The following LYST variants were observed in gnomAD, a reference collection of about 807,000 sequenced individuals.
The protein encoded by LYST is lysosomal-trafficking regulator.
In LYST, 192 loss-of-function variants were observed where a neutral mutation model predicts 413.6. The observed-to-expected ratio is 0.46, with a 90% CI of 0.41 to 0.52. The LOEUF (loss-of-function observed/expected upper bound fraction) is 0.52, where lower values mean the gene tolerates loss of function less well. Among genes scored for constraint, LYST ranks in the 20% least tolerant of loss-of-function variants. The pLI is 0.00. For missense variants in LYST, 3,815 were observed against 4,499.9 expected, an observed-to-expected ratio of 0.85 and a Z score of 4.35; for synonymous variants, 1,525 against 1,567.3, an observed-to-expected ratio of 0.97 and a Z score of 0.64.
At chr1:235,732,624 T>C (rs1024834956) in intron 34 of LYST, among the ~76,000 whole-genome samples, 1 of 152,188 alleles carries the variant, frequency 6.6e-6, no homozygotes, top group Non-Finnish European at 1.5e-5. Flanking sequence ...CTGCGGTGAA[T>C]ATTAGCAGCC....
At chr1:235,716,131 T>C (rs1171102643) in intron 41 of LYST, among the ~76,000 whole-genome samples, 1 of 152,202 alleles carries the variant, frequency 6.6e-6, no homozygotes, top group Non-Finnish European at 1.5e-5. Flanking sequence ...TGGCATAAAA[T>C]AATGTGATGA....
intron 4 of LYST, among the ~76,000 whole-genome samples, chr1:235,812,532 T>TA (rs1673571529): frequency 6.6e-6 from 1 of 151,748 alleles, no homozygotes; most frequent in Admixed American, 6.6e-5. Context: ...AATTATACTT[T>TA]AAAGGCAACA....
At position 235,702,836 on chromosome 1, in the gene LYST, T is replaced by C. The variant is rs769142815; in HGVS notation, c.10285A>G (p.Ile3429Val). 8.1e-6 allele frequency: 13 copies of C among 1,614,050 alleles called. No homozygotes were observed. The East Asian group carries it at 1.6e-4, about 19-fold the overall frequency. ...HVSRPGAKLN[I>V]EGELPAAVGL... is the part of the protein sequence containing the mutation. ...ACAGCAGCTGGAAGCTCTCCTTCAA[T>C]ATTGAGCTTGGCTCCAGGTCTGCTC... The change falls in exon 45 of 53, where the codon ATT (isoleucine) becomes GTT (valine). Residue 3429 changes from isoleucine (I) to valine (V), a missense_variant. Ile to Val is a conservative substitution (Grantham distance 29). This residue lies in a region of LYST where 866 missense variants were observed against 1,156.0 expected (regional missense o/e 0.75). Coordinates refer to ENST00000389793, the MANE Select transcript of LYST (RefSeq NM_000081.4).
intron 3 of LYST, among the ~76,000 whole-genome samples, chr1:235,814,547 T>G (rs565457666): frequency 6.6e-6 from 1 of 152,264 alleles, no homozygotes; most frequent in East Asian, 1.9e-4. Context: ...AAGAGACCAG[T>G]TCAGGAAAGA....
intron 50 of LYST, among the ~76,000 whole-genome samples, chr1:235,670,424 C>T (rs1257696007): frequency 1.3e-5 from 2 of 152,208 alleles, no homozygotes; most frequent in Non-Finnish European, 2.9e-5. Flanking sequence ...TTCTTTGAGG[C>T]ACTGAGCACT....
At chr1:235,851,378 A>G (rs1392090583) in intron 1 of LYST, among the ~76,000 whole-genome samples, 1 of 148,658 alleles carries the variant, frequency 6.7e-6, no homozygotes, top group African/African-American at 2.5e-5. Context: ...ATAGAATGAT[A>G]CAATGGACTC....
At chr1:235,807,138 G>A (rs1353826787) in intron 5 of LYST, among the ~76,000 whole-genome samples, 1 of 152,200 alleles carries the variant, frequency 6.6e-6, no homozygotes, top group Non-Finnish European at 1.5e-5. Flanking sequence ...GACACCCTGA[G>A]GGCAGGCAAG....
At chr1:235,800,742 C>G in intron 9 of LYST, 129 bp downstream of exon 9, 1 of 686,478 alleles carries the variant, frequency 1.5e-6, no homozygotes, top group Admixed American at 2.5e-5. Context: ...AGGTATTCAC[C>G]TGAGGTACCA....
chr1:235,777,410 C>T, intron 16 of LYST, 102 bp from the exon 17 acceptor site: 1 of 979,962 alleles, frequency 1.0e-6, no homozygotes, highest in Non-Finnish European at 1.6e-6. Context: ...TCAACTGATC[C>T]TTTTCTTTGT....
At chr1:235,828,533 T>C (rs138384085) in intron 3 of LYST, 1,994 of 157,350 alleles carry the variant, frequency 0.013, 14 homozygotes, top group Admixed American at 0.019. Flanking sequence ...GTTTATAATA[T>C]TGATTCTTTC....
intron 19 of LYST, among the ~76,000 whole-genome samples, chr1:235,771,734 T>C (rs1188840289): frequency 6.6e-6 from 1 of 152,140 alleles, no homozygotes; most frequent in Non-Finnish European, 1.5e-5. Flanking sequence ...AGTTGGCTGT[T>C]GGACATGCCT....
intron 48 of LYST, among the ~76,000 whole-genome samples, chr1:235,683,207 T>C (rs1652990250): frequency 6.6e-6 from 1 of 152,246 alleles, no homozygotes; most frequent in Non-Finnish European, 1.5e-5. Context: ...AATTCACTGA[T>C]GGGTCAGAAA....
chr1:235,874,744 T>C (rs1446789155), intron 1 of LYST, among the ~76,000 whole-genome samples: 1 of 152,268 alleles, frequency 6.6e-6, no homozygotes, highest in Non-Finnish European at 1.5e-5. Context: ...ATAGCCTTTC[T>C]GGACCAATCA....
chr1:235,694,846 T>C (rs1377777624), intron 46 of LYST, among the ~76,000 whole-genome samples: 1 of 152,110 alleles, frequency 6.6e-6, no homozygotes. Context: ...TTTTTTTTTT[T>C]CTTTCAGAAA....
intron 50 of LYST, among the ~76,000 whole-genome samples, chr1:235,669,901 T>C (rs190072829): frequency 6.6e-6 from 1 of 152,302 alleles, no homozygotes; most frequent in Admixed American, 6.5e-5. Context: ...CCAGTGACAC[T>C]GGGAGCAGAG....
chr1:235,766,414 CATAACAACTCATTAA>C, intron 20 of LYST, 137 bp from the exon 21 acceptor site: 1 of 612,570 alleles, frequency 1.6e-6, no homozygotes, highest in Non-Finnish European at 2.9e-6. Context: ...TTACCATTAC[CATAACAACTCATTAA>C]ATTGAGTTAT....
In LYST at chr1:235,702,981, C is replaced by A. The variant is rs763295516; in HGVS notation, c.10144-4G>T. On this transcript the variant is annotated splice_polypyrimidine_tract_variant and splice_region_variant and intron_variant, in intron 44 of 52. Transcript: ENST00000389793. ...AGACATCCATTCCAAAATATGTCTG[C>A]AGAGTGAAAGAGTAAAGGAACAAGA... 2 of 1,593,652 alleles carry A rather than the reference C, an allele frequency of 1.3e-6. No homozygotes were observed. The highest frequency in any genetic ancestry group is 2.2e-5 in the South Asian group (2 of 90,646).
chr1:235,802,216 A>AAC (rs1553303492), intron 8 of LYST, among the ~76,000 whole-genome samples: 6 of 150,460 alleles, frequency 4.0e-5, no homozygotes, highest in African/African-American at 1.5e-4. Flanking sequence ...AAAAAAAAAA[A>AAC]AAAACTAGCA....
chr1:235,687,877 A>G (rs369191840), intron 47 of LYST, among the ~76,000 whole-genome samples: 3 of 152,184 alleles, frequency 2.0e-5, no homozygotes, highest in African/African-American at 7.2e-5. Flanking sequence ...TTCCTCAGAA[A>G]CCTTGTTTTC....
Sources: allele counts gnomAD v4.1 joint callset (sites outside exome capture counted in the v4.1 genomes callset), GRCh38; gene constraint gnomAD v4.1.1; regional missense constraint gnomAD v4.1.1; transcripts MANE v1.5; gene names NCBI Gene and HGNC (gene_info 2026-07-23, HGNC 2026-07-21).